Variants in CIT observed in about 807,000 individuals in gnomAD.
CIT encodes citron Rho-interacting kinase.
Under a neutral mutation model 272.7 loss-of-function variants are expected in CIT, and 79 were observed. That is an observed-to-expected ratio of 0.29 (90% confidence interval 0.24 to 0.35). The LOEUF (loss-of-function observed/expected upper bound fraction) is 0.35. Ranked by LOEUF, CIT falls within the 10% of genes least tolerant of loss-of-function variation. The pLI is 1.00. For synonymous variants in CIT, 948 were observed against 995.6 expected (o/e 0.95, Z 0.90); for missense variants, 1,909 against 2,618.3 (o/e 0.73, Z 5.91).
At chr12:119,735,014 A>C in intron 25 of CIT, 146 bp downstream of exon 25, 1 of 748,306 alleles carries the variant, frequency 1.3e-6, no homozygotes, top group Non-Finnish European at 2.2e-6. Flanking sequence ...AAAACCCTAA[A>C]GGCTTGGAAA....
chr12:119,759,430 G>A (rs575786962), intron 20 of CIT, among the ~76,000 whole-genome samples: 1 of 152,324 alleles, frequency 6.6e-6, no homozygotes, highest in Admixed American at 6.5e-5. Flanking sequence ...TGGGTCACCT[G>A]AGGTCAGGAA....
intron 10 of CIT, among the ~76,000 whole-genome samples, chr12:119,795,248 G>C (rs1192340559): frequency 6.6e-6 from 1 of 152,142 alleles, no homozygotes; most frequent in Non-Finnish European, 1.5e-5. Context: ...TTAGCTGGGC[G>C]TGGTGGCAGG....
chr12:119,824,369 G>A (rs181990087), intron 8 of CIT, among the ~76,000 whole-genome samples: 68 of 152,164 alleles, frequency 4.5e-4, no homozygotes, highest in Middle Eastern at 3.4e-3. Flanking sequence ...AAGGTTGTTT[G>A]AAGATTAACT....
At chr12:119,786,063 C>A (rs1377944460) in intron 10 of CIT, among the ~76,000 whole-genome samples, 1 of 150,520 alleles carries the variant, frequency 6.6e-6, no homozygotes, top group Non-Finnish European at 1.5e-5. Flanking sequence ...GTTTTTTTTT[C>A]TTTTTTCCTT....
Position 119,776,720 on chromosome 12 carries a change from A to G in CIT, c.1788T>C (p.Ala596=), listed in dbSNP as rs1963783392. The change falls in exon 14 of 48, where the codon GCT becomes GCC. Residue 596 remains alanine (A), a synonymous_variant. Coordinates refer to ENST00000392521, the MANE Select transcript of CIT (RefSeq NM_001206999.2). ...CTGTCGCTTTCCGCTTGAATTCTTC[A>G]GCAGCAAGCCGAGACTCTCTCAGCT... The part of the protein sequence containing the change: ...ESELRESRLA[A]EEFKRKATEC... 6.2e-7 allele frequency: 1 copy of G among 1,613,856 alleles called. No individual in the cohort carries two copies. The highest frequency in any genetic ancestry group is 1.1e-5 in the South Asian group (1 of 91,072).
At chr12:119,863,848 A>G (rs1593995999) in intron 3 of CIT, among the ~76,000 whole-genome samples, 1 of 148,324 alleles carries the variant, frequency 6.7e-6, no homozygotes, top group Admixed American at 6.7e-5. Flanking sequence ...TAAACATAGA[A>G]AAAAAAAAAA....
chr12:119,704,215 C>G (rs560022956), intron 41 of CIT, 148 bp downstream of exon 41: 6 of 653,940 alleles, frequency 9.2e-6, no homozygotes, highest in Admixed American at 8.7e-5. Flanking sequence ...ATCTCGCTGA[C>G]GACAGAGGTC....
At chr12:119,864,922 C>T (rs111427383) in intron 3 of CIT, among the ~76,000 whole-genome samples, 1 of 152,160 alleles carries the variant, frequency 6.6e-6, no homozygotes, top group African/African-American at 2.4e-5. Context: ...TTCAGAGCTA[C>T]ACTCTATTCC....
In CIT at chr12:119,694,527, C is replaced by T. The variant is rs1463917440; in HGVS notation, c.5882+3132G>A. On this transcript the variant is annotated intron_variant, in intron 46 of 47. Coordinates refer to ENST00000392521, the MANE Select transcript of CIT (RefSeq NM_001206999.2). The surrounding 1 kb of genome is among the most constrained non-coding windows in gnomAD (Gnocchi z 4.5). ...TTGTATTAAAAAGGAGGGGTGGTTGCGTGTAGTGGCTCACACCTGTAATCC... is the reference window on the plus strand; with the variant it reads ...TTGTATTAAAAAGGAGGGGTGGTTGTGTGTAGTGGCTCACACCTGTAATCC... Among the ~76,000 whole-genome samples, 12 of 152,046 alleles carry T rather than the reference C, an allele frequency of 7.9e-5. No individual in the cohort carries two copies. Among genetic ancestry groups the T allele is most frequent in the East Asian group, 5.8e-4 (3 of 5,174 alleles).
intron 24 of CIT, among the ~76,000 whole-genome samples, chr12:119,736,781 T>C (rs1453152220): frequency 2.6e-5 from 4 of 152,214 alleles, no homozygotes; most frequent in African/African-American, 9.6e-5. Flanking sequence ...GAATAAACAA[T>C]GCCCAGTAGT....
At chr12:119,873,268 CTTT>C (rs59861360) in intron 2 of CIT, among the ~76,000 whole-genome samples, 4 of 136,946 alleles carry the variant, frequency 2.9e-5, no homozygotes, top group Admixed American at 7.4e-5. Flanking sequence ...TTTTCCTTTT[CTTT>C]TTTTTTTTTT....
chr12:119,820,521 G>T (rs1028580005), intron 9 of CIT, among the ~76,000 whole-genome samples: 2 of 152,160 alleles, frequency 1.3e-5, no homozygotes, highest in African/African-American at 2.4e-5. Context: ...CCACACTCCA[G>T]CCTGGGCGAC....
At chr12:119,716,378 C>CAAAAAAAAAAAAAAAAAA (rs35690078) in intron 32 of CIT, among the ~76,000 whole-genome samples, 2 of 17,804 alleles carry the variant, frequency 1.1e-4, no homozygotes, top group African/African-American at 2.0e-4. Flanking sequence ...GACTCTGTCT[C>CAAAAAAAAAAAAAAAAAA]AAAAAAAAAA....
At chr12:119,777,398 G>A (rs1593703615) in intron 13 of CIT, among the ~76,000 whole-genome samples, 1 of 152,026 alleles carries the variant, frequency 6.6e-6, no homozygotes, top group Non-Finnish European at 1.5e-5. Flanking sequence ...TTGGCCGGGT[G>A]TTGTGGCTCA....
intron 46 of CIT, among the ~76,000 whole-genome samples, chr12:119,692,688 C>A (rs1434330132): frequency 6.6e-6 from 1 of 152,180 alleles, no homozygotes; most frequent in Non-Finnish European, 1.5e-5. Context: ...ACCATCTAAA[C>A]CTGTGCAGAA....
chr12:119,871,144 C>T (rs1950665474), intron 2 of CIT, among the ~76,000 whole-genome samples: 1 of 151,794 alleles, frequency 6.6e-6, no homozygotes, highest in Admixed American at 6.6e-5. Context: ...GTTACGAGTC[C>T]TGGGCTATAC....
intron 3 of CIT, among the ~76,000 whole-genome samples, chr12:119,864,838 C>T (rs1158686757): frequency 7.9e-5 from 12 of 152,008 alleles, no homozygotes; most frequent in Admixed American, 7.9e-4. Flanking sequence ...TCCCTGGTTC[C>T]CAGATGCTCG....
rs1475242931 is a variant in CIT, at chr12:119,697,034, T to G, written c.5882+625A>C. 6.6e-6 allele frequency among the ~76,000 whole-genome samples: 1 copy of G among 152,180 alleles called. No homozygotes were observed. The highest frequency in any genetic ancestry group is 6.5e-5 in the Admixed American group (1 of 15,284). On this transcript the variant is annotated intron_variant, in intron 46 of 47. Coordinates refer to ENST00000392521, the MANE Select transcript of CIT (RefSeq NM_001206999.2). This position sits in a 1 kb window ranked among gnomAD's most constrained non-coding sequence, Gnocchi z 4.9. ...CAATCCTGTTCAGGAGGTCTCGCAT[T>G]CCAGGGAAGGCACGAGGCTGGCCAG...
chr12:119,787,551 G>A (rs1964906628), intron 10 of CIT, among the ~76,000 whole-genome samples: 1 of 151,550 alleles, frequency 6.6e-6, no homozygotes, highest in South Asian at 2.1e-4. Context: ...CTAACACGGT[G>A]AAACCTCGTC....
Sources: gnomAD v4.1 joint callset for allele counts (sites outside exome capture counted in the v4.1 genomes callset) on GRCh38, gnomAD v4.1.1 for gene constraint, Gnocchi (gnomAD v3.1) non-coding constraint, MANE v1.5 for transcripts, NCBI Gene and HGNC (gene_info 2026-07-23, HGNC 2026-07-21) for gene names.